Variants in ANXA4 observed in about 807,000 individuals in gnomAD.
ANXA4 encodes the protein 35-beta calcimedin.
In ANXA4, 39 loss-of-function variants were observed where a neutral mutation model predicts 49.8. That is an observed-to-expected ratio of 0.78 (90% confidence interval 0.61 to 1.02). The LOEUF (loss-of-function observed/expected upper bound fraction) is 1.02. Among genes scored for constraint, ANXA4 ranks in the 50% least tolerant of loss-of-function variants. The pLI is 0.00. For missense variants in ANXA4, 360 were observed against 410.1 expected, an observed-to-expected ratio of 0.88 and a Z score of 1.05; for synonymous variants, 134 against 152.5, an observed-to-expected ratio of 0.88 and a Z score of 0.89.
chr2:69,739,408 G>A (rs1322330383), upstream of ANXA4, among the ~76,000 whole-genome samples: 1 of 150,468 alleles, frequency 6.6e-6, no homozygotes, highest in Non-Finnish European at 1.5e-5. Context: ...TAAAAAAGTG[G>A]TTTTTTTAGG....
intron 1 of ANXA4, among the ~76,000 whole-genome samples, chr2:69,744,302 G>C (rs1670526096): frequency 6.6e-6 from 1 of 152,072 alleles, no homozygotes; most frequent in South Asian, 2.1e-4. Context: ...GTGAGGCCCT[G>C]TCTGAAAAAC....
intron 3 of ANXA4, among the ~76,000 whole-genome samples, chr2:69,790,086 TAGAAG>T (rs1321648978): frequency 1.3e-5 from 2 of 152,160 alleles, no homozygotes; most frequent in African/African-American, 4.8e-5. Flanking sequence ...TGCTTGTTGT[TAGAAG>T]AGAAGTGCTT....
At chr2:69,823,936 A>G (rs1377868406) in intron 12 of ANXA4, among the ~76,000 whole-genome samples, 1 of 152,144 alleles carries the variant, frequency 6.6e-6, no homozygotes, top group African/African-American at 2.4e-5. Context: ...AATCTAGGCC[A>G]GGTGCAGTGG....
intron 1 of ANXA4, among the ~76,000 whole-genome samples, chr2:69,776,199 C>T (rs1488609241): frequency 6.6e-6 from 1 of 152,020 alleles, no homozygotes; most frequent in Non-Finnish European, 1.5e-5. Context: ...TGATCTCAAA[C>T]TCCTGACCTC....
At chr2:69,685,533 C>T (rs1677756477) in intron 2 of ANXA4, among the ~76,000 whole-genome samples, 1 of 152,026 alleles carries the variant, frequency 6.6e-6, no homozygotes, top group South Asian at 2.1e-4. Flanking sequence ...TAAATGCTTT[C>T]AGAATAAATA....
intron 3 of ANXA4, among the ~76,000 whole-genome samples, chr2:69,726,280 A>T (rs1669961312): frequency 6.6e-6 from 1 of 152,140 alleles, no homozygotes; most frequent in African/African-American, 2.4e-5. Context: ...TTCTGCCATA[A>T]TTGTAAGTTT....
At chr2:69,662,798 T>G (rs1676769945) in intron 2 of ANXA4, among the ~76,000 whole-genome samples, 1 of 152,002 alleles carries the variant, frequency 6.6e-6, no homozygotes, top group Non-Finnish European at 1.5e-5. Context: ...GACCTCACTC[T>G]TAGGGTTGCG....
At chr2:69,769,223 G>C (rs1671618348) in intron 1 of ANXA4, among the ~76,000 whole-genome samples, 1 of 152,058 alleles carries the variant, frequency 6.6e-6, no homozygotes, top group African/African-American at 2.4e-5. Context: ...ACAAAGCAAG[G>C]ATTAAACTAT....
intron 3 of ANXA4, among the ~76,000 whole-genome samples, chr2:69,800,737 G>A (rs763772519): frequency 1.1e-4 from 16 of 152,120 alleles, no homozygotes; most frequent in Non-Finnish European, 1.8e-4. Flanking sequence ...GAGGTCTAGG[G>A]GAGTCATGGT....
At chr2:69,684,704 A>C (rs1405710848) in intron 2 of ANXA4, among the ~76,000 whole-genome samples, 3 of 151,634 alleles carry the variant, frequency 2.0e-5, no homozygotes, top group Non-Finnish European at 4.4e-5. Flanking sequence ...AAAAAAAAGA[A>C]AGAAAGAGAA....
intron 2 of ANXA4, among the ~76,000 whole-genome samples, chr2:69,679,352 T>C (rs1677518418): frequency 6.6e-6 from 1 of 152,184 alleles, no homozygotes; most frequent in South Asian, 2.1e-4. Context: ...TTGCCCACTT[T>C]TCAGTGGGAT....
chr2:69,700,733 T>C (rs1445620315), intron 2 of ANXA4, among the ~76,000 whole-genome samples: 1 of 152,244 alleles, frequency 6.6e-6, no homozygotes, highest in African/African-American at 2.4e-5. Flanking sequence ...GAATTCACCA[T>C]TGTTGGGCAT....
At chr2:69,809,231 A>G (rs995895694) in intron 6 of ANXA4, 8 of 152,068 alleles carry the variant, frequency 5.3e-5, no homozygotes, top group African/African-American at 1.9e-4. Flanking sequence ...GTTTTTTCCT[A>G]AGCCTTCTGT....
intron 3 of ANXA4, among the ~76,000 whole-genome samples, chr2:69,727,311 C>T (rs1669987120): frequency 6.6e-6 from 1 of 152,226 alleles, no homozygotes; most frequent in Admixed American, 6.5e-5. Flanking sequence ...ATTTGTTCAG[C>T]TTAAATTGAT....
chr2:69,779,133 A>AT (rs1672094008), intron 1 of ANXA4, among the ~76,000 whole-genome samples: 5 of 146,204 alleles, frequency 3.4e-5, no homozygotes, highest in Non-Finnish European at 7.5e-5. Context: ...AAAAAAAAAA[A>AT]GGAAAGAGAA....
intron 2 of ANXA4, among the ~76,000 whole-genome samples, chr2:69,702,924 G>T (rs1416884602): frequency 1.3e-5 from 2 of 152,126 alleles, no homozygotes; most frequent in Non-Finnish European, 2.9e-5. Context: ...TGTTTGCAAA[G>T]TCTTCATAAC....
intron 8 of ANXA4, among the ~76,000 whole-genome samples, chr2:69,814,314 T>C (rs1302335198): frequency 6.6e-6 from 1 of 150,892 alleles, no homozygotes; most frequent in Non-Finnish European, 1.5e-5. Context: ...CAGAGATCAG[T>C]GTCACTTCCA....
chr2:69,816,357 A>T (rs1673994163), intron 9 of ANXA4, 163 bp downstream of exon 9: 1 of 535,370 alleles, frequency 1.9e-6, no homozygotes, highest in African/African-American at 1.9e-5. Flanking sequence ...CCAATGATGT[A>T]TATGAAAGCT....
chr2:69,680,431 G>T (rs1354015629), intron 2 of ANXA4, among the ~76,000 whole-genome samples: 1 of 152,066 alleles, frequency 6.6e-6, no homozygotes, highest in Admixed American at 6.6e-5. Context: ...CTAGATATAA[G>T]ATCATGTCAT....
Sources: gnomAD v4.1 joint callset for allele counts (sites outside exome capture counted in the v4.1 genomes callset) on GRCh38, gnomAD v4.1.1 for gene constraint, MANE v1.5 for transcripts, NCBI Gene and HGNC (gene_info 2026-07-23, HGNC 2026-07-21) for gene names.